The following LSG1 variants were observed in gnomAD, a reference collection of about 807,000 sequenced individuals.
LSG1 encodes large subunit GTPase 1 homolog.
LSG1 carries 55 observed loss-of-function variants against 82.6 expected under a neutral mutation model. That is an observed-to-expected ratio of 0.67 (90% CI 0.54 to 0.83). The LOEUF (loss-of-function observed/expected upper bound fraction) is 0.83, where lower values mean the gene tolerates loss of function less well. Ranked by LOEUF, LSG1 falls within the 40% of genes least tolerant of loss-of-function variation. The pLI, the probability that LSG1 is intolerant of heterozygous loss-of-function variation, is 0.00. For missense variants in LSG1, 809 were observed against 807.9 expected, an observed-to-expected ratio of 1.00 and a Z score of -0.02; for synonymous variants, 272 against 282.5, an observed-to-expected ratio of 0.96 and a Z score of 0.37.
At chr3:194,651,045 T>C (rs1718663470) in intron 9 of LSG1, 21 bp from the exon 10 acceptor site, 5 of 1,613,940 alleles carry the variant, frequency 3.1e-6, no homozygotes, top group Non-Finnish European at 3.4e-6. Flanking sequence ...AGCAAGAGGT[T>C]TGAGCTGGGT....
At chr3:194,644,368 C>CAAAAAA (rs1395757240) in intron 13 of LSG1, among the ~76,000 whole-genome samples, 2 of 62,042 alleles carry the variant, frequency 3.2e-5, no homozygotes, top group Non-Finnish European at 6.8e-5. Flanking sequence ...GACTCCGTCT[C>CAAAAAA]AAAAAAAAAA....
chr3:194,644,810 A>G, intron 12 of LSG1, 64 bp from the exon 13 acceptor site: 3 of 1,347,154 alleles, frequency 2.2e-6, no homozygotes, highest in Non-Finnish European at 1.0e-6. Context: ...CAGAGGAGAC[A>G]GCTCCACCCA....
Position 194,645,535 on chromosome 3 carries a change from G to GACACACACACACACACACAGACAGAC in LSG1, c.1623+628_1623+629insGTCTGTCTGTGTGTGTGTGTGTGTGT, listed in dbSNP as rs1553845119. 2.3e-3 allele frequency: 79 copies of GACACACACACACACACACAGACAGAC among 34,996 alleles called. 11 individuals carry two copies. The highest frequency in any genetic ancestry group is 0.021 in the East Asian group (24 of 1,120). 2.2% of individuals were successfully genotyped at this position (34,996 alleles called of 1,614,324 possible). A position where few individuals can be genotyped will look rare whatever the true frequency, so the allele number is the denominator to read the frequency against. On this transcript the variant is annotated intron_variant, in intron 12 of 13. Coordinates refer to ENST00000265245, the MANE Select transcript of LSG1 (RefSeq NM_018385.3). Reference sequence around the variant, plus strand: ...ACACACACACACACACACACAGACAGACACACACACACACACACACACACA... The same window carrying GACACACACACACACACACAGACAGAC: ...ACACACACACACACACACACAGACAGACACACACACACACACACAGACAGACACACACACACACACACACACACACA...
At chr3:194,649,879 A>G (rs1192093224) in intron 10 of LSG1, among the ~76,000 whole-genome samples, 2 of 152,042 alleles carry the variant, frequency 1.3e-5, no homozygotes, top group African/African-American at 4.8e-5. Context: ...TTAGCTTATA[A>G]GTAGAGTAAA....
At chr3:194,664,372 C>A (rs185235408) in intron 5 of LSG1, among the ~76,000 whole-genome samples, 40 of 152,222 alleles carry the variant, frequency 2.6e-4, no homozygotes, top group Admixed American at 2.1e-3. Context: ...GGAAAAAAAA[C>A]CAGCCTGAAG....
chr3:194,659,257 C>T, intron 6 of LSG1, 124 bp from the exon 7 acceptor site: 1 of 704,810 alleles, frequency 1.4e-6, no homozygotes, highest in African/African-American at 1.8e-5. Flanking sequence ...CTAATTTAAA[C>T]ATTTTTAATC....
intron 10 of LSG1, among the ~76,000 whole-genome samples, chr3:194,650,232 T>C (rs1718646585): frequency 6.6e-6 from 1 of 152,254 alleles, no homozygotes; most frequent in Admixed American, 6.5e-5. Context: ...GCATAGTTCT[T>C]AACAAATCCA....
chr3:194,669,503 C>T (rs931557388), intron 2 of LSG1, among the ~76,000 whole-genome samples: 7 of 152,142 alleles, frequency 4.6e-5, no homozygotes, highest in Admixed American at 1.3e-4. Flanking sequence ...CATCACATCC[C>T]GCCCCCTGCA....
intron 11 of LSG1, among the ~76,000 whole-genome samples, chr3:194,646,848 G>A (rs557573964): frequency 2.0e-5 from 3 of 152,170 alleles, no homozygotes; most frequent in Non-Finnish European, 2.9e-5. Context: ...TATTCATGGA[G>A]GCTACCTGTA....
rs142883707 is a variant in LSG1, at chr3:194,641,805, G to C, written c.*263C>G. The stretch of plus-strand genomic sequence containing the variant: ...ATTTTTTTGTATTTTTAGTAGAGAC[G>C]GGGTTTCTCCATGTTGGTGCGTGAG... On this transcript the variant is annotated 3_prime_UTR_variant, in exon 14 of 14. Transcript: ENST00000265245. 2 of 310,462 alleles carry C rather than the reference G, an allele frequency of 6.4e-6. No homozygotes were observed. Among genetic ancestry groups the C allele is most frequent in the Non-Finnish European group, 1.2e-5 (2 of 170,688 alleles). 19.2% of individuals were successfully genotyped at this position (310,462 alleles called of 1,614,324 possible).
At position 194,659,010 on chromosome 3, in the gene LSG1, C is replaced by T. The variant is rs200655440; in HGVS notation, c.706G>A (p.Val236Ile). Residue 236 changes from valine (V) to isoleucine (I), a missense_variant, in exon 7 of 14, where the codon GTT becomes ATT. Physicochemically the swap from Val to Ile is conservative, Grantham distance 29. Coordinates refer to ENST00000265245, the MANE Select transcript of LSG1 (RefSeq NM_018385.3). Reference protein sequence around the residue: ...AMYFEKEDVKVIFWSALAGAI... With the variant: ...AMYFEKEDVKIIFWSALAGAI... ...CCGGCCAAAGCTGACCAGAAAATAA[C>T]CTTCACATCTTCTTTTTCGAAGTAC... The T allele has an allele frequency of 6.2e-7, 1 of 1,614,100 alleles. No individual in the cohort carries two copies. Among genetic ancestry groups the T allele is most frequent in the Non-Finnish European group, 8.5e-7 (1 of 1,180,036 alleles).
chr3:194,654,568 G>C (rs1194905125), intron 7 of LSG1, among the ~76,000 whole-genome samples: 1 of 152,174 alleles, frequency 6.6e-6, no homozygotes, highest in Non-Finnish European at 1.5e-5. Context: ...TATAGAACTG[G>C]AAGCAATTTC....
Position 194,670,095 on chromosome 3 carries a change from C to T in LSG1, c.140G>A (p.Arg47His), listed in dbSNP as rs143258150. The T allele has an allele frequency of 9.3e-4, 1,496 of 1,613,776 alleles. 1 individual carries two copies. Among genetic ancestry groups the T allele is most frequent in the Admixed American group, 1.3e-3 (78 of 59,990 alleles). The change falls in exon 2 of 14, where the codon CGT becomes CAT. Residue 47 changes from arginine (R) to histidine (H), a missense_variant. By Grantham distance (29) the Arg-to-His change is conservative. Transcript: ENST00000265245. The stretch of plus-strand genomic sequence containing the variant: ...TTCAGTCACTGACTGAAGATTAAGA[C>T]GACCCCAATCATAGCCATCATTGAG... ...SELNDGYDWG[R>H]LNLQSVTEQS... is the part of the protein sequence containing the mutation.
intron 7 of LSG1, 91 bp from the exon 8 acceptor site, chr3:194,653,233 G>A (rs1718716532): frequency 7.5e-7 from 1 of 1,340,820 alleles, no homozygotes; most frequent in African/African-American, 1.5e-5. Context: ...GACAGAGGAT[G>A]GCTGGGCGTG....
At chr3:194,661,415 T>C (rs553672196) in intron 5 of LSG1, among the ~76,000 whole-genome samples, 1 of 152,302 alleles carries the variant, frequency 6.6e-6, no homozygotes, top group African/African-American at 2.4e-5. Flanking sequence ...AGTTTAGAAA[T>C]AGCAGTAAGA....
At chr3:194,648,408 C>T (rs1035075793) in intron 11 of LSG1, among the ~76,000 whole-genome samples, 5 of 152,144 alleles carry the variant, frequency 3.3e-5, no homozygotes, top group East Asian at 1.9e-4. Context: ...GTTTGGGAGA[C>T]GACTCCAGAA....
chr3:194,657,004 C>T (rs1705994), intron 7 of LSG1, among the ~76,000 whole-genome samples: 2 of 151,488 alleles, frequency 1.3e-5, no homozygotes, highest in African/African-American at 2.4e-5. Context: ...GTTGTGGGGT[C>T]GGGGGAGAGG....
intron 7 of LSG1, among the ~76,000 whole-genome samples, chr3:194,655,258 T>C (rs781057257): frequency 3.9e-5 from 6 of 152,156 alleles, no homozygotes; most frequent in Non-Finnish European, 7.4e-5. Context: ...AGGCAGTGAG[T>C]TCCCTGAAAA....
intron 6 of LSG1, among the ~76,000 whole-genome samples, chr3:194,659,572 T>C (rs569950383): frequency 2.5e-4 from 38 of 152,338 alleles, no homozygotes; most frequent in African/African-American, 7.7e-4. Context: ...TATTATACAA[T>C]GTTTTGTTAA....
Sources: gnomAD v4.1 joint callset for allele counts (sites outside exome capture counted in the v4.1 genomes callset) on GRCh38, gnomAD v4.1.1 for gene constraint, MANE v1.5 for transcripts, NCBI Gene and HGNC (gene_info 2026-07-23, HGNC 2026-07-21) for gene names.